Variants in NUDT21 observed in about 807,000 individuals in gnomAD.
NUDT21 encodes the protein cleavage and polyadenylation specificity factor subunit 5.
A neutral mutation model predicts 29.8 loss-of-function variants in NUDT21; 5 were observed. The ratio of observed to expected loss-of-function variants is 0.17; its 90% CI spans 0.09 to 0.35. The LOEUF (loss-of-function observed/expected upper bound fraction) is 0.35, where lower values mean the gene tolerates loss of function less well. NUDT21 is among the 10% of genes least tolerant of loss of function. NUDT21 has a pLI of 1.00. For missense variants in NUDT21, 76 were observed against 276.0 expected (o/e 0.28, Z 5.13); for synonymous variants, 113 against 98.5 (o/e 1.15, Z -0.87).
chr16:56,440,593 T>C (rs1440113976), intron 3 of NUDT21, among the ~76,000 whole-genome samples: 2 of 152,206 alleles, frequency 1.3e-5, no homozygotes, highest in South Asian at 2.1e-4. Context: ...AAATTGAAGT[T>C]ATGAGCTTTT....
At chr16:56,439,834 TC>T (rs1962141273) in intron 3 of NUDT21, 88 bp from the exon 4 acceptor site, 5 of 1,006,926 alleles carry the variant, frequency 5.0e-6, no homozygotes, top group Non-Finnish European at 1.6e-6. Flanking sequence ...TTAGCAGTGC[TC>T]CTAATTGAAA....
Position 56,429,918 on chromosome 16 carries a change from A to G in NUDT21, c.*2794T>C, listed in dbSNP as rs1962014771. ...ATAAAGTCATTAAAAAGCCGAGAAC[A>G]TAAGAGCACAACATTTAAGAAAGGG... On this transcript the variant is annotated 3_prime_UTR_variant, in exon 7 of 7. Transcript: ENST00000300291. 1 of 152,238 alleles carries G rather than the reference A, an allele frequency of 6.6e-6. No individual in the cohort carries two copies. Among genetic ancestry groups the G allele is most frequent in the Admixed American group, 6.5e-5 (1 of 15,274 alleles). 9.4% of individuals were successfully genotyped at this position (152,238 alleles called of 1,614,324 possible). A position where few individuals can be genotyped will look rare whatever the true frequency, so the allele number is the denominator to read the frequency against.
rs748610162 is a variant in NUDT21 at position 56,439,690 on chromosome 16, A to C, written c.438T>G (p.Gly146=). The change falls in exon 4 of 7, where the codon GGT becomes GGG. Residue 146 remains glycine, a synonymous_variant. Transcript: ENST00000300291. ...LQDWVIDDCI[G]NWWRPNFEPP... Reference sequence around the variant, plus strand: ...GTTCAAAATTTGGTCTCCACCAGTTACCAATGCAATCGTCAATGACCCAGT... The same window carrying C: ...GTTCAAAATTTGGTCTCCACCAGTTCCCAATGCAATCGTCAATGACCCAGT... The C allele has an allele frequency of 6.2e-7, 1 of 1,614,086 alleles. No individual in the cohort carries two copies. Among genetic ancestry groups the C allele is most frequent in the Non-Finnish European group, 8.5e-7 (1 of 1,179,956 alleles).
At position 56,431,518 on chromosome 16, in the gene NUDT21, TACTAATCA is replaced by T. The variant is rs1390737375; in HGVS notation, c.*1186_*1193del. On this transcript the variant is annotated 3_prime_UTR_variant, in exon 7 of 7. Coordinates refer to ENST00000300291, the MANE Select transcript of NUDT21 (RefSeq NM_007006.3). ...GAAAATAGCCCTGTGACTGGCACCA[TACTAATCA>T]AAAGTTCATTTCTATTAAAAACCCT... 6.6e-6 allele frequency: 1 copy of T among 152,216 alleles called. No individual in the cohort carries two copies. 9.4% of individuals were successfully genotyped at this position (152,216 alleles called of 1,614,324 possible). A position where few individuals can be genotyped will look rare whatever the true frequency, so the allele number is the denominator to read the frequency against.
chr16:56,444,806 G>T (rs1236173394), intron 3 of NUDT21, among the ~76,000 whole-genome samples: 1 of 152,086 alleles, frequency 6.6e-6, no homozygotes, highest in Non-Finnish European at 1.5e-5. Context: ...ACAGAGTGGG[G>T]AAGACAATCT....
At position 56,430,133 on chromosome 16, in the gene NUDT21, A is replaced by C. The variant is rs1446647669; in HGVS notation, c.*2579T>G. The C allele has an allele frequency of 2.0e-5, 3 of 152,210 alleles. No homozygotes were observed. The East Asian group carries it at 5.8e-4, about 29-fold the overall frequency. The allele number at this position is 152,210 out of a possible 1,614,324, so 9.4% of individuals were successfully genotyped here. A position where few individuals can be genotyped will look rare whatever the true frequency, so the allele number is the denominator to read the frequency against. On this transcript the variant is annotated 3_prime_UTR_variant, in exon 7 of 7. Transcript: ENST00000300291. ...TATTTATAAGACAATAAAAAGTTTT[A>C]AAATCTTCCAAATGTGCTGTTAACA... is the stretch of plus-strand genomic sequence containing the variant.
At chr16:56,449,291 C>T (rs767643715) in intron 1 of NUDT21, 9 of 152,172 alleles carry the variant, frequency 5.9e-5, no homozygotes, top group African/African-American at 9.7e-5. Context: ...ATCAGAGTGC[C>T]AGCCCAGACA....
rs543320383 is a variant in NUDT21 at position 56,431,744 on chromosome 16, A to T, written c.*968T>A. Reference sequence around the variant, plus strand: ...ATCAGTATTTTTTAAAGTTTTTAAAATTTCGTTTTTCTCTTAACCTGAGAA... The same window carrying T: ...ATCAGTATTTTTTAAAGTTTTTAAATTTTCGTTTTTCTCTTAACCTGAGAA... On this transcript the variant is annotated 3_prime_UTR_variant, in exon 7 of 7. Transcript: ENST00000300291. 95 of 151,258 alleles carry T rather than the reference A, an allele frequency of 6.3e-4. No homozygotes were observed. Among genetic ancestry groups the T allele is most frequent in the African/African-American group, 2.3e-3 (94 of 41,170 alleles). 9.4% of individuals were successfully genotyped at this position (151,258 alleles called of 1,614,324 possible).
At chr16:56,434,504 T>C in intron 5 of NUDT21, 59 bp from the exon 6 acceptor site, 1 of 975,510 alleles carries the variant, frequency 1.0e-6, no homozygotes. Context: ...TTCCATTTCA[T>C]TTTTAAATTA....
In NUDT21 at chr16:56,451,296, G is replaced by A. The variant is rs973203025; in HGVS notation, c.-94C>T. 3 of 957,614 alleles carry A rather than the reference G, an allele frequency of 3.1e-6. No individual in the cohort carries two copies. The South Asian group carries it at 4.6e-5, about 15-fold the overall frequency. 59.3% of individuals were successfully genotyped at this position (957,614 alleles called of 1,614,324 possible). A position where few individuals can be genotyped will look rare whatever the true frequency, so the allele number is the denominator to read the frequency against. ...GCGGTTATCTGCAATCCCCTCAGCG[G>A]CTACTGCCCGCCATTAACAGGACAG... On this transcript the variant is annotated 5_prime_UTR_variant, in exon 1 of 7. Coordinates refer to ENST00000300291, the MANE Select transcript of NUDT21 (RefSeq NM_007006.3).
intron 3 of NUDT21, among the ~76,000 whole-genome samples, chr16:56,440,081 G>C (rs1031547869): frequency 2.7e-4 from 41 of 152,258 alleles, no homozygotes; most frequent in African/African-American, 9.1e-4. Flanking sequence ...AATGTTCATG[G>C]TGAGAAACTG....
intron 1 of NUDT21, among the ~76,000 whole-genome samples, chr16:56,448,399 G>A (rs1962242789): frequency 6.6e-6 from 1 of 152,104 alleles, no homozygotes; most frequent in East Asian, 1.9e-4. Flanking sequence ...GGTGCTAATG[G>A]CTAATTTCTT....
intron 5 of NUDT21, 151 bp downstream of exon 5, chr16:56,434,603 C>T (rs1326409844): frequency 5.3e-6 from 4 of 761,308 alleles, no homozygotes; most frequent in Non-Finnish European, 6.7e-6. Context: ...ATTTCCTAGC[C>T]ACAGATTTGA....
chr16:56,448,116 A>C (rs1962239472), intron 1 of NUDT21, 127 bp from the exon 2 acceptor site: 1 of 705,060 alleles, frequency 1.4e-6, no homozygotes, highest in African/African-American at 1.8e-5. Flanking sequence ...GGATTTGTAC[A>C]GTTAACTAAA....
chr16:56,448,990 C>T (rs941596888), intron 1 of NUDT21, among the ~76,000 whole-genome samples: 1 of 152,112 alleles, frequency 6.6e-6, no homozygotes, highest in African/African-American at 2.4e-5. Context: ...TATGAAAAAG[C>T]TCTAAAATAA....
Position 56,447,785 on chromosome 16 carries a change from T to C in NUDT21, c.317+4A>G, listed in dbSNP as rs1318011616. On this transcript the variant is annotated splice_donor_region_variant and intron_variant, in intron 2 of 6. Transcript: ENST00000300291. ...TCTTGCTGTTAATTTCCAACACTAC[T>C]TACAGTTTGAAGAAAGTTGTTCCCA... The C allele has an allele frequency of 1.2e-6, 2 of 1,613,784 alleles. No homozygotes were observed. Among genetic ancestry groups the C allele is most frequent in the East Asian group, 2.2e-5 (1 of 44,882 alleles).
chr16:56,449,403 G>A (rs1294366953), intron 1 of NUDT21: 2 of 152,188 alleles, frequency 1.3e-5, no homozygotes, highest in Admixed American at 1.3e-4. Context: ...CTGGTACAAA[G>A]TAGGCATTCA....
chr16:56,442,031 G>C (rs534886569), intron 3 of NUDT21, among the ~76,000 whole-genome samples: 1 of 152,192 alleles, frequency 6.6e-6, no homozygotes, highest in Admixed American at 6.5e-5. Context: ...CCAGCCTCCC[G>C]AGTAGCTGGG....
intron 1 of NUDT21, among the ~76,000 whole-genome samples, chr16:56,450,092 G>C (rs532064144): frequency 6.6e-6 from 1 of 152,174 alleles, no homozygotes; most frequent in African/African-American, 2.4e-5. Flanking sequence ...ATATGAAACA[G>C]AGAAACACCT....
Sources: gnomAD v4.1 joint callset for allele counts (sites outside exome capture counted in the v4.1 genomes callset) on GRCh38, gnomAD v4.1.1 for gene constraint, MANE v1.5 for transcripts, NCBI Gene and HGNC (gene_info 2026-07-23, HGNC 2026-07-21) for gene names.